The following CSNK1G3 variants were observed in gnomAD, a reference collection of about 807,000 sequenced individuals.
The protein encoded by CSNK1G3 is casein kinase I isoform gamma-3.
CSNK1G3 carries 23 observed loss-of-function variants against 64.3 expected under a neutral mutation model. The ratio of observed to expected loss-of-function variants is 0.36; its 90% CI spans 0.26 to 0.51. The LOEUF (loss-of-function observed/expected upper bound fraction) is 0.51, where lower values mean the gene tolerates loss of function less well. Ranked by LOEUF, CSNK1G3 falls within the 20% of genes least tolerant of loss-of-function variation. The probability of loss-of-function intolerance (pLI) is 0.96; values close to 1 mark genes in which losing one functional copy is unlikely to be tolerated. For synonymous variants in CSNK1G3, 158 were observed against 162.2 expected (o/e 0.97, Z 0.20); for missense variants, 357 against 510.5 (o/e 0.70, Z 2.90).
At chr5:123,551,532 T>G (rs959593398) in intron 2 of CSNK1G3, among the ~76,000 whole-genome samples, 2 of 152,218 alleles carry the variant, frequency 1.3e-5, no homozygotes, top group African/African-American at 4.8e-5. Flanking sequence ...TTTTTTGCCC[T>G]TTATTTTCTC....
chr5:123,569,358 C>T (rs1428207378), intron 4 of CSNK1G3, among the ~76,000 whole-genome samples: 1 of 152,146 alleles, frequency 6.6e-6, no homozygotes, highest in Non-Finnish European at 1.5e-5. Flanking sequence ...CAAAATTTGA[C>T]AAGTGGTCAT....
intron 6 of CSNK1G3, among the ~76,000 whole-genome samples, chr5:123,581,167 T>C (rs936185480): frequency 4.6e-5 from 7 of 151,694 alleles, no homozygotes; most frequent in African/African-American, 1.7e-4. Flanking sequence ...TATAATTTTT[T>C]GTTAGAGTAT....
intron 1 of CSNK1G3, among the ~76,000 whole-genome samples, chr5:123,522,609 A>G (rs1299326624): frequency 1.3e-5 from 2 of 152,054 alleles, no homozygotes; most frequent in Admixed American, 6.6e-5. Flanking sequence ...TCTTTAGGTT[A>G]TTCCTGGATT....
chr5:123,513,239 C>G (rs1776570768), intron 1 of CSNK1G3, among the ~76,000 whole-genome samples: 1 of 152,114 alleles, frequency 6.6e-6, no homozygotes, highest in Non-Finnish European at 1.5e-5. Context: ...ATCCCACATG[C>G]AGGGGAAGTG....
chr5:123,589,711 GT>G (rs1231271943), intron 8 of CSNK1G3, among the ~76,000 whole-genome samples: 1 of 151,818 alleles, frequency 6.6e-6, no homozygotes, highest in East Asian at 1.9e-4. Flanking sequence ...TTGTTTGTCT[GT>G]TTGTTTGTTT....
intron 4 of CSNK1G3, among the ~76,000 whole-genome samples, chr5:123,570,985 G>A (rs957666773): frequency 2.0e-5 from 3 of 152,160 alleles, no homozygotes; most frequent in Non-Finnish European, 4.4e-5. Flanking sequence ...TTTAGAGTTG[G>A]AATAAACTTA....
chr5:123,516,493 C>A (rs1165970658), intron 1 of CSNK1G3, among the ~76,000 whole-genome samples: 1 of 151,926 alleles, frequency 6.6e-6, no homozygotes, highest in Non-Finnish European at 1.5e-5. Flanking sequence ...TTTGGGCTTC[C>A]CTTCTATTAT....
chr5:123,560,046 A>G (rs530585053), intron 4 of CSNK1G3, among the ~76,000 whole-genome samples: 16 of 152,268 alleles, frequency 1.1e-4, no homozygotes, highest in East Asian at 3.9e-4. Context: ...AGACAACCCA[A>G]TTGAAAAATG....
At chr5:123,576,149 ATAGAG>A (rs1308542605) in intron 6 of CSNK1G3, among the ~76,000 whole-genome samples, 186 bp downstream of exon 6, 1 of 152,212 alleles carries the variant, frequency 6.6e-6, no homozygotes, top group African/African-American at 2.4e-5. Flanking sequence ...GTAAGTTACT[ATAGAG>A]TAAATGAGTG....
At chr5:123,560,747 A>C (rs1388357825) in intron 4 of CSNK1G3, among the ~76,000 whole-genome samples, 1 of 152,156 alleles carries the variant, frequency 6.6e-6, no homozygotes, top group African/African-American at 2.4e-5. Context: ...TTCACTTAAC[A>C]TGAGGTTGGA....
intron 4 of CSNK1G3, among the ~76,000 whole-genome samples, chr5:123,570,346 C>CTTTTTTTTTTTT (rs370362447): frequency 1.5e-5 from 2 of 130,550 alleles, no homozygotes; most frequent in Non-Finnish European, 1.6e-5. Flanking sequence ...ACAGTCCTTT[C>CTTTTTTTTTTTT]TTTTTTTTTT....
At chr5:123,532,744 T>G (rs1009051996) in intron 1 of CSNK1G3, among the ~76,000 whole-genome samples, 4 of 151,964 alleles carry the variant, frequency 2.6e-5, no homozygotes, top group Non-Finnish European at 5.9e-5. Context: ...AATTTCACAG[T>G]GTTTTTTAGT....
intron 10 of CSNK1G3, among the ~76,000 whole-genome samples, chr5:123,600,809 T>C (rs1356722321): frequency 2.6e-5 from 4 of 152,074 alleles, no homozygotes; most frequent in African/African-American, 9.7e-5. Flanking sequence ...TTGTCAGGCA[T>C]CTGTTAAGTT....
At chr5:123,573,288 T>G in intron 4 of CSNK1G3, 105 bp from the exon 5 acceptor site, 11 of 1,195,604 alleles carry the variant, frequency 9.2e-6, no homozygotes, top group Non-Finnish European at 8.5e-6. Flanking sequence ...GTGATAGTAC[T>G]GCTTTAGTTC....
intron 10 of CSNK1G3, 27 bp from the exon 11 acceptor site, chr5:123,595,012 A>C (rs760541937): frequency 6.3e-7 from 1 of 1,593,046 alleles, no homozygotes; most frequent in Non-Finnish European, 8.6e-7. Context: ...TCTTCCATGC[A>C]TGCCATATGC....
intron 1 of CSNK1G3, among the ~76,000 whole-genome samples, chr5:123,540,162 C>T (rs115394762): frequency 0.02 from 3,043 of 151,970 alleles, 105 homozygotes; most frequent in African/African-American, 0.07. Flanking sequence ...ATTATTGACA[C>T]TTTCTTCTGC....
chr5:123,544,548 T>C (rs1782216953), intron 1 of CSNK1G3, among the ~76,000 whole-genome samples: 1 of 152,218 alleles, frequency 6.6e-6, no homozygotes, highest in Non-Finnish European at 1.5e-5. Flanking sequence ...ACTTCTTTAA[T>C]AGCAACGAAT....
intron 10 of CSNK1G3, among the ~76,000 whole-genome samples, chr5:123,597,061 A>C (rs1369156554): frequency 6.6e-6 from 1 of 152,156 alleles, no homozygotes; most frequent in Non-Finnish European, 1.5e-5. Flanking sequence ...CTGATATTAT[A>C]ATTGAATACT....
intron 2 of CSNK1G3, among the ~76,000 whole-genome samples, chr5:123,551,426 T>G (rs189818170): frequency 6.6e-6 from 1 of 152,318 alleles, no homozygotes; most frequent in East Asian, 1.9e-4. Context: ...GAGCTTAAAG[T>G]TGACCACTTT....
Sources: allele counts gnomAD v4.1 joint callset (sites outside exome capture counted in the v4.1 genomes callset), GRCh38; gene constraint gnomAD v4.1.1; transcripts MANE v1.5; gene names NCBI Gene and HGNC (gene_info 2026-07-23, HGNC 2026-07-21).